The following ITSN1 variants were observed in gnomAD, a reference collection of about 807,000 sequenced individuals.
ITSN1 encodes intersectin 1.
A neutral mutation model predicts 239.8 loss-of-function variants in ITSN1; 58 were observed. The observed-to-expected ratio is 0.24, with a 90% CI of 0.20 to 0.30. The LOEUF is 0.30. Ranked by LOEUF, ITSN1 falls within the 10% of genes least tolerant of loss-of-function variation. The pLI is 1.00. For missense variants in ITSN1, 1,558 were observed against 2,103.3 expected (o/e 0.74, Z 5.07); for synonymous variants, 780 against 770.8 (o/e 1.01, Z -0.20).
In ITSN1 at chr21:33,726,782, A is replaced by G. The variant is rs534379515; in HGVS notation, c.185+4131A>G. 3.3e-5 allele frequency among the ~76,000 whole-genome samples: 5 copies of G among 152,288 alleles called. No homozygotes were observed. The South Asian group carries it at 1.0e-3, about 32-fold the overall frequency. On this transcript the variant is annotated intron_variant, in intron 4 of 39. Transcript: ENST00000381318. ...AGCCGTCTGCCCGCCTCAGCCTCCC[A>G]AAGTGCTGGGATTATAGGCATTAGC...
intron 33 of ITSN1, among the ~76,000 whole-genome samples, chr21:33,868,446 T>C (rs1982093373): frequency 6.6e-6 from 1 of 152,156 alleles, no homozygotes; most frequent in Non-Finnish European, 1.5e-5. Context: ...CGGGCTGCAG[T>C]CCCGAGCCCT....
chr21:33,834,187 C>A, intron 27 of ITSN1, 120 bp from the exon 28 acceptor site: 1 of 689,118 alleles, frequency 1.5e-6, no homozygotes, highest in South Asian at 2.0e-5. Flanking sequence ...TAGATTTTAC[C>A]GTTAATGTCA....
At chr21:33,677,848 T>G (rs2090690498) in intron 1 of ITSN1, among the ~76,000 whole-genome samples, 1 of 152,220 alleles carries the variant, frequency 6.6e-6, no homozygotes, top group South Asian at 2.1e-4. Flanking sequence ...TGACCACTCC[T>G]AATCATTTCC....
At chr21:33,716,593 A>T (rs1278828136) in intron 1 of ITSN1, 2 of 152,210 alleles carry the variant, frequency 1.3e-5, no homozygotes, top group Admixed American at 1.3e-4. Flanking sequence ...AGAGAAGCCC[A>T]TCAGTCAACA....
chr21:33,834,481 C>G, intron 28 of ITSN1, 57 bp downstream of exon 28: 1 of 1,193,374 alleles, frequency 8.4e-7, no homozygotes, highest in Non-Finnish European at 1.2e-6. Flanking sequence ...TGAGTTTTTC[C>G]ACTTGATTTT....
chr21:33,875,614 T>C (rs1045267671), intron 34 of ITSN1, 93 bp downstream of exon 34: 59 of 1,178,146 alleles, frequency 5.0e-5, no homozygotes, highest in Admixed American at 2.1e-4. Flanking sequence ...ACCATTCTCC[T>C]CCCCAGCCGA....
chr21:33,669,678 T>C (rs2090145079), intron 1 of ITSN1, among the ~76,000 whole-genome samples: 1 of 152,138 alleles, frequency 6.6e-6, no homozygotes, highest in East Asian at 1.9e-4. Context: ...CCTGACCTTG[T>C]GATCCACCCA....
At chr21:33,728,489 A>G (rs1318036171) in intron 4 of ITSN1, among the ~76,000 whole-genome samples, 2 of 152,134 alleles carry the variant, frequency 1.3e-5, no homozygotes, top group African/African-American at 4.8e-5. Flanking sequence ...CGGCCTCCCA[A>G]AGTGCTGGGA....
At chr21:33,763,229 CAAAA>C (rs71322243) in intron 9 of ITSN1, among the ~76,000 whole-genome samples, 4 of 69,860 alleles carry the variant, frequency 5.7e-5, no homozygotes, top group East Asian at 4.9e-4. Flanking sequence ...GCCCCCCAAC[CAAAA>C]AAAAAAAAAA....
At position 33,793,652 on chromosome 21, in the gene ITSN1, T is replaced by C. The variant is rs569620439; in HGVS notation, c.1825-689T>C. ...TTACTGCTATTCCTGCAGCTAGTAGTATCAAGTGAGGAAATTGGATCCAAG... is the reference window on the plus strand; with the variant it reads ...TTACTGCTATTCCTGCAGCTAGTAGCATCAAGTGAGGAAATTGGATCCAAG... On this transcript the variant is annotated intron_variant, in intron 16 of 39. Coordinates refer to ENST00000381318, the MANE Select transcript of ITSN1 (RefSeq NM_003024.3). Among the ~76,000 whole-genome samples, 3 of 152,362 alleles carry C rather than the reference T, an allele frequency of 2.0e-5. No individual in the cohort carries two copies. In the East Asian group the frequency reaches 5.8e-4, roughly 29 times the overall value.
chr21:33,856,906 G>A (rs1372688661), intron 30 of ITSN1, 49 bp downstream of exon 30: 1 of 1,564,506 alleles, frequency 6.4e-7, no homozygotes, highest in South Asian at 1.1e-5. Flanking sequence ...GATGACGGAG[G>A]GAGAGGGGAG....
chr21:33,778,489 CTGTTT>C (rs1320484599), intron 14 of ITSN1, among the ~76,000 whole-genome samples: 1 of 145,738 alleles, frequency 6.9e-6, no homozygotes, highest in Non-Finnish European at 1.5e-5. Context: ...CTCCTTGAAT[CTGTTT>C]TGATTATCTG....
rs114858377 is a variant in ITSN1 at position 33,758,285 on chromosome 21, G to A, written c.724+2888G>A. On this transcript the variant is annotated intron_variant, in intron 8 of 39. Coordinates refer to ENST00000381318, the MANE Select transcript of ITSN1 (RefSeq NM_003024.3). Reference sequence around the variant, plus strand: ...CTACAGGCATGTGCCACCATGCCCAGCTAATTTTTTGTAGAAACTGGGTTT... The same window carrying A: ...CTACAGGCATGTGCCACCATGCCCAACTAATTTTTTGTAGAAACTGGGTTT... 7.2e-3 allele frequency among the ~76,000 whole-genome samples: 1,097 copies of A among 152,156 alleles called. 14 individuals carry two copies. Among genetic ancestry groups the A allele is most frequent in the African/African-American group, 0.025 (1,043 of 41,500 alleles).
chr21:33,695,868 T>C (rs2091771793), intron 1 of ITSN1, among the ~76,000 whole-genome samples: 1 of 152,208 alleles, frequency 6.6e-6, no homozygotes, highest in Non-Finnish European at 1.5e-5. Context: ...TTTTCAGCTT[T>C]TCTCCCTTTC....
chr21:33,745,237 A>G lies in ITSN1; in HGVS notation c.347-4906A>G, dbSNP rs142608322. Among the ~76,000 whole-genome samples the G allele has an allele frequency of 2.7e-3, 414 of 152,338 alleles. 2 individuals carry two copies. The highest frequency in any genetic ancestry group is 9.5e-3 in the African/African-American group (396 of 41,584). ...GCAGGAAATACAGAATATAGAGGGA[A>G]ATGTTGAACCGCACCATGAGAATGC... On this transcript the variant is annotated intron_variant, in intron 5 of 39. Coordinates refer to ENST00000381318, the MANE Select transcript of ITSN1 (RefSeq NM_003024.3).
intron 12 of ITSN1, 128 bp downstream of exon 12, chr21:33,772,451 T>TCTACA: frequency 2.6e-6 from 3 of 1,161,098 alleles, no homozygotes; most frequent in South Asian, 1.6e-5. Context: ...TTCCCAAAGT[T>TCTACA]GTGCAACCAT....
intron 1 of ITSN1, among the ~76,000 whole-genome samples, chr21:33,702,354 C>T (rs9979021): frequency 3.9e-5 from 6 of 152,004 alleles, no homozygotes; most frequent in Admixed American, 1.3e-4. Flanking sequence ...TGACCTCAGG[C>T]GATCTGCCCA....
intron 3 of ITSN1, among the ~76,000 whole-genome samples, chr21:33,721,599 C>T (rs1054925888): frequency 6.6e-6 from 1 of 151,758 alleles, no homozygotes; most frequent in African/African-American, 2.4e-5. Context: ...AGTTCCAAAC[C>T]AGCCTGGCCA....
intron 33 of ITSN1, among the ~76,000 whole-genome samples, chr21:33,868,669 A>C (rs1261599656): frequency 6.6e-6 from 1 of 152,166 alleles, no homozygotes; most frequent in South Asian, 2.1e-4. Context: ...CAAGCGCCGC[A>C]CGCAGCCCCG....
Sources: allele counts gnomAD v4.1 joint callset (sites outside exome capture counted in the v4.1 genomes callset), GRCh38; gene constraint gnomAD v4.1.1; transcripts MANE v1.5; gene names NCBI Gene and HGNC (gene_info 2026-07-23, HGNC 2026-07-21).